Variants in RUNX1 observed in about 807,000 individuals in gnomAD.
The protein encoded by RUNX1 is RUNX family transcription factor 1, also known as runt-related transcription factor 1.
RUNX1 carries 19 observed loss-of-function variants against 42.8 expected under a neutral mutation model. The observed-to-expected ratio is 0.44, with a 90% CI of 0.31 to 0.65. The LOEUF is 0.65. Ranked by LOEUF, RUNX1 falls within the 30% of genes least tolerant of loss-of-function variation. The pLI, the probability that RUNX1 is intolerant of heterozygous loss-of-function variation, is 0.07. For missense variants in RUNX1, 528 were observed against 672.0 expected (o/e 0.79, Z 2.37); for synonymous variants, 271 against 289.4 (o/e 0.94, Z 0.64).
intron 6 of RUNX1, among the ~76,000 whole-genome samples, chr21:34,835,625 C>A (rs2057135073): frequency 6.6e-6 from 1 of 152,186 alleles, no homozygotes; most frequent in Non-Finnish European, 1.5e-5. Context: ...AGGGAGGTAG[C>A]CACAGGAGGC....
At chr21:35,035,734 CCTCCCT>C (rs2059303069) in intron 2 of RUNX1, among the ~76,000 whole-genome samples, 1 of 152,182 alleles carries the variant, frequency 6.6e-6, no homozygotes, top group African/African-American at 2.4e-5. Context: ...ACTAAGGGTT[CCTCCCT>C]CTCCCTCTCG....
At chr21:34,884,897 TA>T (rs1275729123) in intron 4 of RUNX1, among the ~76,000 whole-genome samples, 5 of 152,230 alleles carry the variant, frequency 3.3e-5, no homozygotes. Flanking sequence ...TAAAACAAAT[TA>T]ATTGTTTTTA....
rs377098411 is a variant in RUNX1, at chr21:35,008,670, T to C, written c.58+40172A>G. 3.9e-5 allele frequency among the ~76,000 whole-genome samples: 6 copies of C among 152,380 alleles called. No individual in the cohort carries two copies. The East Asian group carries it at 7.7e-4, about 20-fold the overall frequency. ...AGAATATTTAAAGATCAAAGTTCTA[T>C]AGCAGTGAGCCCAGAACATGCTCAA... On this transcript the variant is annotated intron_variant, in intron 2 of 8. Coordinates refer to ENST00000675419, the MANE Select transcript of RUNX1 (RefSeq NM_001754.5).
Position 34,788,494 on chromosome 21 carries a change from A to C in RUNX1, c.*3641T>G. The stretch of plus-strand genomic sequence containing the variant: ...AGTCTAAAATAAACAAAGTAGAAAG[A>C]AGCATTTTTTTCCCTACAGTATTTA... On this transcript the variant is annotated 3_prime_UTR_variant, in exon 9 of 9. Coordinates refer to ENST00000675419, the MANE Select transcript of RUNX1 (RefSeq NM_001754.5). 2 of 233,184 alleles carry C rather than the reference A, an allele frequency of 8.6e-6. No individual in the cohort carries two copies. The highest frequency in any genetic ancestry group is 1.2e-4 in the East Asian group (2 of 16,424). The allele number at this position is 233,184 out of a possible 1,614,324, so 14.4% of individuals were successfully genotyped here.
At chr21:34,991,560 GATGA>G (rs1164720034) in intron 2 of RUNX1, among the ~76,000 whole-genome samples, 26 of 152,084 alleles carry the variant, frequency 1.7e-4, no homozygotes, top group African/African-American at 6.0e-4. Context: ...TGATGATGAT[GATGA>G]TGATGATGAT....
In RUNX1 at chr21:34,792,744, T is replaced by C. The variant is rs11700756; in HGVS notation, c.968-134A>G. On this transcript the variant is annotated intron_variant, in intron 8 of 8. Coordinates refer to ENST00000675419, the MANE Select transcript of RUNX1 (RefSeq NM_001754.5). The surrounding 1 kb of genome is among the most constrained non-coding windows in gnomAD (Gnocchi z 6.9). ...GGGAAGCCACCCAGGATGCTACTGCTGGGGAGGACGGGGACCACCCGGGAT... is the reference window on the plus strand; with the variant it reads ...GGGAAGCCACCCAGGATGCTACTGCCGGGGAGGACGGGGACCACCCGGGAT... 441,219 of 848,280 alleles carry C rather than the reference T, an allele frequency of 0.52. 116,639 individuals are homozygous for C. Among genetic ancestry groups the C allele is most frequent in the African/African-American group, 0.58 (33,822 of 57,880 alleles). The allele number at this position is 848,280 out of a possible 1,614,324, so 52.5% of individuals were successfully genotyped here.
chr21:35,009,864 C>G (rs567265818), intron 2 of RUNX1, among the ~76,000 whole-genome samples: 2 of 152,238 alleles, frequency 1.3e-5, no homozygotes, highest in Admixed American at 6.5e-5. Flanking sequence ...CCTAATACTT[C>G]AACATTTTTG....
chr21:34,891,960 CAG>C (rs1347590708), intron 3 of RUNX1, among the ~76,000 whole-genome samples: 1 of 152,184 alleles, frequency 6.6e-6, no homozygotes, highest in African/African-American at 2.4e-5. Context: ...TAGGTGGTCT[CAG>C]AAGATAACTA....
At chr21:34,865,279 CGTGT>C (rs61238560) in intron 5 of RUNX1, among the ~76,000 whole-genome samples, 13,038 of 132,286 alleles carry the variant, frequency 0.099, 718 homozygotes, top group Non-Finnish European at 0.13. Flanking sequence ...GGGTTTTGTG[CGTGT>C]GTGTGTGTGT....
chr21:34,834,105 A>G, intron 7 of RUNX1: 1 of 595,070 alleles, frequency 1.7e-6, no homozygotes, highest in South Asian at 1.6e-5. Flanking sequence ...CTCTTAAAAA[A>G]TTCAAGAGAG....
intron 7 of RUNX1, among the ~76,000 whole-genome samples, chr21:34,805,319 C>T (rs2056664411): frequency 6.6e-6 from 1 of 152,128 alleles, no homozygotes; most frequent in South Asian, 2.1e-4. Flanking sequence ...GTATTAATGG[C>T]TATGAATTTT....
At chr21:34,855,225 C>T (rs911338297) in intron 6 of RUNX1, among the ~76,000 whole-genome samples, 53 of 152,230 alleles carry the variant, frequency 3.5e-4, no homozygotes, top group Middle Eastern at 3.4e-3. Flanking sequence ...TCCTCAACCT[C>T]TCCTTGGCAA....
At chr21:35,029,927 G>A (rs1368343373) in intron 2 of RUNX1, among the ~76,000 whole-genome samples, 2 of 152,170 alleles carry the variant, frequency 1.3e-5, no homozygotes, top group Admixed American at 6.6e-5. Flanking sequence ...AGCATCTTTG[G>A]CATCTGCCTA....
chr21:34,998,833 G>T (rs1325424816), intron 2 of RUNX1, among the ~76,000 whole-genome samples: 1 of 152,132 alleles, frequency 6.6e-6, no homozygotes, highest in South Asian at 2.1e-4. Flanking sequence ...GAGCCACCGT[G>T]CCCGGCCTCT....
intron 2 of RUNX1, among the ~76,000 whole-genome samples, chr21:35,044,762 A>G (rs2059384497): frequency 6.6e-6 from 1 of 152,194 alleles, no homozygotes; most frequent in Admixed American, 6.5e-5. Flanking sequence ...GCATCTCACC[A>G]GGCTTGATTT....
intron 7 of RUNX1, among the ~76,000 whole-genome samples, chr21:34,799,730 G>C (rs1361183546): frequency 6.6e-6 from 1 of 152,158 alleles, no homozygotes; most frequent in Non-Finnish European, 1.5e-5. Context: ...TGAGAGGAAT[G>C]GATTACACTT....
intron 2 of RUNX1, 110 bp from the exon 3 acceptor site, chr21:34,893,073 G>A (rs998612916): frequency 4.3e-6 from 3 of 702,534 alleles, no homozygotes; most frequent in African/African-American, 1.8e-5. Context: ...TTTAGCACTG[G>A]AGATTTTTAT....
Position 34,906,061 on chromosome 21 carries a change from C to T in RUNX1, c.59-13098G>A, listed in dbSNP as rs1025152173. Among the ~76,000 whole-genome samples the T allele has an allele frequency of 2.6e-5, 4 of 152,160 alleles. No homozygotes were observed. In the South Asian group the frequency reaches 8.3e-4, roughly 32 times the overall value. On this transcript the variant is annotated intron_variant, in intron 2 of 8. Transcript: ENST00000675419. ...GGAGCTTCAGTATTTCTGAAAATAA[C>T]CTGAATTCCCCTTTGAGACAAAGTT...
chr21:35,004,590 C>T (rs1009468721), intron 2 of RUNX1, among the ~76,000 whole-genome samples: 10 of 152,140 alleles, frequency 6.6e-5, no homozygotes, highest in African/African-American at 2.4e-4. Flanking sequence ...TTTTTATCAC[C>T]CCGTCCATTG....
Sources: allele counts gnomAD v4.1 joint callset (sites outside exome capture counted in the v4.1 genomes callset), GRCh38; gene constraint gnomAD v4.1.1; non-coding constraint Gnocchi (gnomAD v3.1); transcripts MANE v1.5; gene names NCBI Gene and HGNC (gene_info 2026-07-23, HGNC 2026-07-21).